LAMA5: variants seen among roughly 807,000 people sequenced by gnomAD.
LAMA5 encodes the protein laminin subunit alpha 5, also known as laminin subunit alpha-5.
In LAMA5, 260 loss-of-function variants were observed where a neutral mutation model predicts 433.4. The observed-to-expected ratio is 0.60, with a 90% CI of 0.54 to 0.66. The LOEUF (loss-of-function observed/expected upper bound fraction) is 0.66. Ranked by LOEUF, LAMA5 falls within the 30% of genes least tolerant of loss-of-function variation. LAMA5 has a pLI of 0.00. For synonymous variants in LAMA5, 2,620 were observed against 2,226.6 expected, an observed-to-expected ratio of 1.18 and a Z score of -4.97; for missense variants, 5,378 against 5,258.5, an observed-to-expected ratio of 1.02 and a Z score of -0.70.
At chr20:62,343,703 G>T (rs977400050) in intron 11 of LAMA5, among the ~76,000 whole-genome samples, 1 of 140,728 alleles carries the variant, frequency 7.1e-6, no homozygotes, top group Non-Finnish European at 1.5e-5. Context: ...TTGAACTCGG[G>T]GGGCAGAGGT....
At position 62,359,880 on chromosome 20, in the gene LAMA5, C is replaced by A. The variant is rs1263178181; in HGVS notation, c.450+2520G>T. The stretch of plus-strand genomic sequence containing the variant: ...AGATCCGAACCGTGATGCAGCCCAC[C>A]CCGCCCTCCTCAGCCTTCCAGGAGC... On this transcript the variant is annotated intron_variant, in intron 2 of 79. Coordinates refer to ENST00000252999, the MANE Select transcript of LAMA5 (RefSeq NM_005560.6). The surrounding 1 kb of genome is among the most constrained non-coding windows in gnomAD (Gnocchi z 4.3). Among the ~76,000 whole-genome samples, 1 of 152,076 alleles carries A rather than the reference C, an allele frequency of 6.6e-6. No individual in the cohort carries two copies. The highest frequency in any genetic ancestry group is 1.5e-5 in the Non-Finnish European group (1 of 67,976).
At chr20:62,353,320 A>G (rs981544939) in intron 2 of LAMA5, 69 bp from the exon 3 acceptor site, 23 of 1,142,114 alleles carry the variant, frequency 2.0e-5, no homozygotes, top group Admixed American at 1.9e-4. Flanking sequence ...GGCCTGGCTC[A>G]TTTTCTGCCC....
In LAMA5 at chr20:62,343,774, CAA is replaced by C. The variant is rs11474754; in HGVS notation, c.1477+2042_1477+2043del. 1.8e-4 allele frequency among the ~76,000 whole-genome samples: 11 copies of C among 61,372 alleles called. 1 individual carries two copies. In the East Asian group the frequency reaches 5.2e-3, roughly 29 times the overall value. The allele number at this position is 61,372 out of a possible 152,430, so 40.3% of individuals were successfully genotyped here. A position where few individuals can be genotyped will look rare whatever the true frequency, so the allele number is the denominator to read the frequency against. The stretch of plus-strand genomic sequence containing the variant: ...CTGGGCAACTAGAGTGAAACTCCAT[CAA>C]AAAAAAAAAAAAGAAAGCACTCGAA... On this transcript the variant is annotated intron_variant, in intron 11 of 79. Transcript: ENST00000252999.
In LAMA5 at chr20:62,312,924, C is replaced by T; in HGVS notation, c.9042G>A (p.Leu3014=). The change falls in exon 66 of 80, where the codon CTG becomes CTA. Residue 3014 remains leucine, a synonymous_variant. Transcript: ENST00000252999. ...CCGAGGTCAGGGGCGGTGGGGGCTGCAGTGGGACGGCCTTTTTCAGGCCAG... is the reference window on the plus strand; with the variant it reads ...CCGAGGTCAGGGGCGGTGGGGGCTGTAGTGGGACGGCCTTTTTCAGGCCAG... ...FGAGLKKAVP[L]QPPPPLTSAS... is the part of the protein sequence containing the mutation. The T allele has an allele frequency of 6.3e-7, 1 of 1,581,530 alleles. No individual in the cohort carries two copies.
At chr20:62,325,006 T>C in intron 41 of LAMA5, 1 of 356,254 alleles carries the variant, frequency 2.8e-6, no homozygotes, top group South Asian at 4.0e-5. Flanking sequence ...GACGCCAGGA[T>C]GGTCGGTGGG....
chr20:62,363,086 G>A (rs573646920), intron 1 of LAMA5, among the ~76,000 whole-genome samples: 2 of 152,300 alleles, frequency 1.3e-5, no homozygotes, highest in South Asian at 4.1e-4. Context: ...GGGGGCGGAA[G>A]GGGGAGCTGC....
intron 34 of LAMA5, 35 bp from the exon 35 acceptor site, chr20:62,328,480 T>TCC (rs760862792): frequency 9.6e-6 from 14 of 1,456,750 alleles, no homozygotes; most frequent in Non-Finnish European, 1.1e-5. Flanking sequence ...TGACCCCTCT[T>TCC]CCCAGTCCCG....
Position 62,324,168 on chromosome 20 carries a change from G to T in LAMA5, c.5680C>A (p.Arg1894Ser). ...QHNTEGAHCERCQAGFVSSRD... is the reference protein window; with the variant it reads ...QHNTEGAHCESCQAGFVSSRD... Reference sequence around the variant, plus strand: ...CTGCTCACGAAGCCAGCCTGGCAGCGCTCACAGTGGGCCCCTTCGGTGTTG... The same window carrying T: ...CTGCTCACGAAGCCAGCCTGGCAGCTCTCACAGTGGGCCCCTTCGGTGTTG... The change falls in exon 43 of 80, where the codon CGC (arginine) becomes AGC (serine). Residue 1894 changes from arginine to serine, a missense_variant. Physicochemically the swap from Arg to Ser is moderately radical, Grantham distance 110. Coordinates refer to ENST00000252999, the MANE Select transcript of LAMA5 (RefSeq NM_005560.6). This position sits in a 1 kb window ranked among gnomAD's most constrained non-coding sequence, Gnocchi z 4.4. 1 of 1,565,530 alleles carries T rather than the reference G, an allele frequency of 6.4e-7. No homozygotes were observed. The highest frequency in any genetic ancestry group is 1.4e-5 in the African/African-American group (1 of 71,478).
Position 62,366,935 on chromosome 20 carries a change from G to T in LAMA5, c.297+14C>A. The T allele has an allele frequency of 8.0e-7, 1 of 1,243,840 alleles. No individual in the cohort carries two copies. Among genetic ancestry groups the T allele is most frequent in the Non-Finnish European group, 1.0e-6 (1 of 994,578 alleles). The allele number at this position is 1,243,840 out of a possible 1,614,324, so 77.1% of individuals were successfully genotyped here. On this transcript the variant is annotated intron_variant, in intron 1 of 79. Transcript: ENST00000252999. ...GCCCCGGGAGGAAGCCCCACGGCCC[G>T]CCCCTGCGCTCACCCGGATGGTCTG...
At chr20:62,319,586 G>T in intron 51 of LAMA5, 98 bp downstream of exon 51, 1 of 810,316 alleles carries the variant, frequency 1.2e-6, no homozygotes, top group Non-Finnish European at 2.0e-6. Context: ...GACAGATCCT[G>T]CCTGTTCTTC....
Position 62,312,268 on chromosome 20 carries a change from G to C in LAMA5, c.9409C>G (p.Leu3137Val). Residue 3137 changes from leucine to valine, a missense_variant, in exon 69 of 80, where the codon CTC becomes GTC. By Grantham distance (32) the Leu-to-Val change is conservative. Coordinates refer to ENST00000252999, the MANE Select transcript of LAMA5 (RefSeq NM_005560.6). ...FHGHGFLRLA[L>V]SNVAPLTGNV... Reference sequence around the variant, plus strand: ...CCAGTGAGCGGTGCCACGTTCGAGAGCGCCAGGCGAAGGAAGCCGTGGCCA... The same window carrying C: ...CCAGTGAGCGGTGCCACGTTCGAGACCGCCAGGCGAAGGAAGCCGTGGCCA... 6.2e-7 allele frequency: 1 copy of C among 1,611,336 alleles called. No individual in the cohort carries two copies. Among genetic ancestry groups the C allele is most frequent in the Non-Finnish European group, 8.5e-7 (1 of 1,179,508 alleles).
intron 35 of LAMA5, 51 bp downstream of exon 35, chr20:62,328,190 G>A (rs1317997861): frequency 2.0e-6 from 3 of 1,535,626 alleles, no homozygotes; most frequent in Non-Finnish European, 8.8e-7. Context: ...TAGAGGAAAT[G>A]CTGTCCTTAA....
chr20:62,361,538 A>G (rs1039049089), intron 2 of LAMA5, among the ~76,000 whole-genome samples: 1 of 152,220 alleles, frequency 6.6e-6, no homozygotes, highest in African/African-American at 2.4e-5. Flanking sequence ...TGGCAGGGAC[A>G]GAGGCTCAGA....
chr20:62,311,816 T>TTGGGGCCCCCCCC, intron 70 of LAMA5, 32 bp from the exon 71 acceptor site: 1 of 1,521,012 alleles, frequency 6.6e-7, no homozygotes, highest in Non-Finnish European at 8.9e-7. Context: ...GCTCGGTTTT[T>TTGGGGCCCCCCCC]CCCCACCCTG....
chr20:62,327,289 G>C lies in LAMA5; in HGVS notation c.5056C>G (p.Pro1686Ala). The C allele has an allele frequency of 6.3e-7, 1 of 1,577,504 alleles. No homozygotes were observed. The highest frequency in any genetic ancestry group is 8.6e-7 in the Non-Finnish European group (1 of 1,161,906). The change falls in exon 38 of 80, where the codon CCC (proline) becomes GCC (alanine). Residue 1686 changes from proline to alanine, a missense_variant. Coordinates refer to ENST00000252999, the MANE Select transcript of LAMA5 (RefSeq NM_005560.6). ...CAGTACAGCTCGGGGAAAGCCTCGG[G>C]CACAGCCTCAGGCACGTGCCGCAGG... ...ADLRHVPEAV[P>A]EAFPELYWQA... is the part of the protein sequence containing the mutation.
intron 79 of LAMA5, 108 bp from the exon 80 acceptor site, chr20:62,309,583 ATAGGAGGGTGG>A (rs1222199467): frequency 4.9e-5 from 13 of 267,626 alleles, no homozygotes; most frequent in East Asian, 2.8e-4. Context: ...ATTCCACATC[ATAGGAGGGTGG>A]TAGGGGGGTG....
rs1001473276 is a variant in LAMA5, at chr20:62,309,891, G to A, written c.10829-56C>T. ...TGGTCCTCAGCCCAGCCTCTCTCCAGCCCCAAAAGAAGCCACCCCACCCAG... is the reference window on the plus strand; with the variant it reads ...TGGTCCTCAGCCCAGCCTCTCTCCAACCCCAAAAGAAGCCACCCCACCCAG... On this transcript the variant is annotated intron_variant, in intron 78 of 79. Transcript: ENST00000252999. 1.4e-5 allele frequency: 23 copies of A among 1,606,930 alleles called. 1 individual carries two copies. Among genetic ancestry groups the A allele is most frequent in the Non-Finnish European group, 3.4e-6 (4 of 1,178,632 alleles).
At chr20:62,327,188 T>G in intron 38 of LAMA5, 45 bp downstream of exon 38, 2 of 1,452,948 alleles carry the variant, frequency 1.4e-6, no homozygotes, top group Non-Finnish European at 1.8e-6. Flanking sequence ...TCAGGCGTCC[T>G]GGCCATCCTC....
intron 16 of LAMA5, chr20:62,337,072 GCACA>G (rs1021975525): frequency 3.2e-6 from 2 of 631,450 alleles, no homozygotes; most frequent in African/African-American, 1.8e-5. Context: ...GTCTGAACAA[GCACA>G]CAAACGCACG....
Sources: gnomAD v4.1 joint callset for allele counts (sites outside exome capture counted in the v4.1 genomes callset) on GRCh38, gnomAD v4.1.1 for gene constraint, Gnocchi (gnomAD v3.1) non-coding constraint, MANE v1.5 for transcripts, NCBI Gene and HGNC (gene_info 2026-07-23, HGNC 2026-07-21) for gene names.